The following LUZP2 variants were observed in gnomAD, a reference collection of about 807,000 sequenced individuals.
The protein encoded by LUZP2 is leucine zipper protein 2.
LUZP2 carries 52 observed loss-of-function variants against 51.6 expected under a neutral mutation model. The observed-to-expected ratio is 1.01, with a 90% confidence interval of 0.81 to 1.27. LUZP2 has a LOEUF of 1.27. Ranked by LOEUF, LUZP2 falls within the 50% of genes most tolerant of loss-of-function variation. The probability of loss-of-function intolerance (pLI) is 0.00; values close to 1 mark genes in which losing one functional copy is unlikely to be tolerated. For missense variants in LUZP2, 436 were observed against 395.4 expected, an observed-to-expected ratio of 1.10 and a Z score of -0.87; for synonymous variants, 154 against 137.3, an observed-to-expected ratio of 1.12 and a Z score of -0.85.
chr11:24,850,815 C>T (rs1851369385), intron 5 of LUZP2, among the ~76,000 whole-genome samples: 1 of 152,036 alleles, frequency 6.6e-6, no homozygotes, highest in Non-Finnish European at 1.5e-5. Context: ...GTTTGTAGTT[C>T]TTCTGGAAGA....
chr11:24,652,041 A>T (rs935087562), intron 1 of LUZP2, among the ~76,000 whole-genome samples: 2 of 145,984 alleles, frequency 1.4e-5, no homozygotes, highest in Non-Finnish European at 3.1e-5. Context: ...ATATGTGTGT[A>T]CACATGTTGT....
rs143586829 is a variant in LUZP2, at chr11:24,757,476, ATACT to A, written c.334-5765_334-5762del. Among the ~76,000 whole-genome samples the A allele has an allele frequency of 8.0e-4, 122 of 152,264 alleles. 1 individual carries two copies. In the East Asian group the frequency reaches 0.012, roughly 15 times the overall value. On this transcript the variant is annotated intron_variant, in intron 4 of 11. Coordinates refer to ENST00000336930, the MANE Select transcript of LUZP2 (RefSeq NM_001009909.4). ...AATGAAAATCATACATGTCAAAGTA[ATACT>A]TACTGGATAATGAATAGCTTTAAAT... is the stretch of plus-strand genomic sequence containing the variant.
At chr11:24,744,946 A>G (rs932585707) in intron 4 of LUZP2, among the ~76,000 whole-genome samples, 1 of 152,086 alleles carries the variant, frequency 6.6e-6, no homozygotes, top group Non-Finnish European at 1.5e-5. Context: ...TAAAATTTCC[A>G]TCTTGATTTC....
intron 1 of LUZP2, among the ~76,000 whole-genome samples, chr11:24,720,343 C>G (rs1858216580): frequency 6.6e-6 from 1 of 151,942 alleles, no homozygotes; most frequent in Non-Finnish European, 1.5e-5. Context: ...ATGATTTTTT[C>G]TATGAAAATA....
chr11:24,833,491 G>T (rs895753269), intron 5 of LUZP2, among the ~76,000 whole-genome samples: 1 of 152,142 alleles, frequency 6.6e-6, no homozygotes, highest in Admixed American at 6.6e-5. Flanking sequence ...CTCACAGTCA[G>T]GTTTACAAGT....
intron 7 of LUZP2, among the ~76,000 whole-genome samples, chr11:24,954,112 A>G (rs1192172825): frequency 1.3e-5 from 2 of 151,956 alleles, no homozygotes. Context: ...TGGCTTTGCC[A>G]TAACACTCTG....
intron 10 of LUZP2, among the ~76,000 whole-genome samples, chr11:25,070,770 G>GGTGTGTGTGTGT (rs67504954): frequency 9.2e-5 from 13 of 141,284 alleles, no homozygotes; most frequent in African/African-American, 2.9e-4. Context: ...GACTGTGTAT[G>GGTGTGTGTGTGT]GTGTGTGTGT....
At chr11:25,046,068 ACCATTGGTAG>A (rs1737845943) in intron 9 of LUZP2, among the ~76,000 whole-genome samples, 1 of 152,112 alleles carries the variant, frequency 6.6e-6, no homozygotes, top group Non-Finnish European at 1.5e-5. Context: ...AACATATCTA[ACCATTGGTAG>A]CCTGTCTTGA....
chr11:24,896,354 G>A (rs1393816849), intron 5 of LUZP2, among the ~76,000 whole-genome samples: 4 of 152,250 alleles, frequency 2.6e-5, no homozygotes, highest in Admixed American at 6.5e-5. Context: ...CTGGGTGGGC[G>A]GGGCCTCAGC....
chr11:25,059,126 A>G (rs1164387917), intron 10 of LUZP2, among the ~76,000 whole-genome samples: 1 of 152,176 alleles, frequency 6.6e-6, no homozygotes, highest in Non-Finnish European at 1.5e-5. Context: ...TTTCAGATTT[A>G]CCAGTTGTGT....
At chr11:24,857,506 A>G (rs999166864) in intron 5 of LUZP2, among the ~76,000 whole-genome samples, 1 of 151,374 alleles carries the variant, frequency 6.6e-6, no homozygotes. Flanking sequence ...TTTAACCCAA[A>G]TTATGTTGCT....
intron 4 of LUZP2, chr11:24,751,397 C>G (rs1859583095): frequency 6.1e-6 from 1 of 164,442 alleles, no homozygotes; most frequent in Non-Finnish European, 1.3e-5. Flanking sequence ...TCTGTAGATT[C>G]TGCTCTCCTT....
intron 1 of LUZP2, among the ~76,000 whole-genome samples, chr11:24,672,720 G>A (rs1284811486): frequency 6.6e-6 from 1 of 152,168 alleles, no homozygotes; most frequent in Non-Finnish European, 1.5e-5. Context: ...ACACCTAGAA[G>A]GTATAGTCAA....
intron 5 of LUZP2, among the ~76,000 whole-genome samples, chr11:24,902,026 G>A (rs115810828): frequency 6.5e-4 from 99 of 152,140 alleles, no homozygotes; most frequent in African/African-American, 2.2e-3. Flanking sequence ...AATATTTGCC[G>A]CTTTATTTGT....
intron 1 of LUZP2, among the ~76,000 whole-genome samples, chr11:24,708,780 G>A (rs149817822): frequency 6.6e-6 from 1 of 152,136 alleles, no homozygotes; most frequent in Non-Finnish European, 1.5e-5. Context: ...GAATAACAGT[G>A]CTCTAGAGGA....
intron 5 of LUZP2, among the ~76,000 whole-genome samples, chr11:24,852,074 C>A (rs1476383308): frequency 6.6e-6 from 1 of 151,572 alleles, no homozygotes; most frequent in Non-Finnish European, 1.5e-5. Flanking sequence ...TCTGGATTCA[C>A]TGATTTTTTT....
At position 24,872,427 on chromosome 11, in the gene LUZP2, T is replaced by A. The variant is rs1344245763; in HGVS notation, c.397-33564T>A. On this transcript the variant is annotated intron_variant, in intron 5 of 11. Transcript: ENST00000336930. ...TACCTAATCTAAAAGCTTTGTTCCC[T>A]GCCCTGGCTGTAGCAGCTCAGTAGT... Among the ~76,000 whole-genome samples the A allele has an allele frequency of 2.0e-5, 3 of 152,296 alleles. No homozygotes were observed. In the South Asian group the frequency reaches 6.2e-4, roughly 32 times the overall value.
chr11:24,549,746 T>A (rs1270012615), intron 1 of LUZP2, among the ~76,000 whole-genome samples: 3 of 152,098 alleles, frequency 2.0e-5, no homozygotes, highest in Non-Finnish European at 4.4e-5. Flanking sequence ...TTGGCTAAAA[T>A]GTCATTTTGT....
intron 1 of LUZP2, among the ~76,000 whole-genome samples, chr11:24,634,036 G>A (rs1854990206): frequency 6.6e-6 from 1 of 151,556 alleles, no homozygotes; most frequent in East Asian, 1.9e-4. Flanking sequence ...TAAATGAAGA[G>A]CTGAGACTCT....
Sources: allele counts gnomAD v4.1 joint callset (sites outside exome capture counted in the v4.1 genomes callset), GRCh38; gene constraint gnomAD v4.1.1; transcripts MANE v1.5; gene names NCBI Gene and HGNC (gene_info 2026-07-23, HGNC 2026-07-21).